Variants in SDC2 observed in about 807,000 individuals in gnomAD.
The protein encoded by SDC2 is syndecan 2, also known as syndecan-2.
SDC2 carries 13 observed loss-of-function variants against 22.2 expected under a neutral mutation model. The observed-to-expected ratio is 0.59, with a 90% CI of 0.38 to 0.93. The LOEUF (loss-of-function observed/expected upper bound fraction) is 0.93, where lower values mean the gene tolerates loss of function less well. Among genes scored for constraint, SDC2 ranks in the 40% least tolerant of loss-of-function variants. The probability of loss-of-function intolerance (pLI) is 0.00; values close to 1 mark genes in which losing one functional copy is unlikely to be tolerated. For synonymous variants in SDC2, 94 were observed against 92.8 expected (o/e 1.01, Z -0.07); for missense variants, 235 against 246.8 (o/e 0.95, Z 0.32).
At chr8:96,521,754 T>C (rs964794730) in intron 1 of SDC2, among the ~76,000 whole-genome samples, 9 of 152,240 alleles carry the variant, frequency 5.9e-5, no homozygotes, top group African/African-American at 1.9e-4. Context: ...GGGGAGCTAA[T>C]TTCTTGTAGG....
chr8:96,500,581 G>A (rs1468850919), intron 1 of SDC2, among the ~76,000 whole-genome samples: 1 of 143,920 alleles, frequency 6.9e-6, no homozygotes, highest in Non-Finnish European at 1.5e-5. Flanking sequence ...AGAATTGCTT[G>A]AACACAGGAG....
intron 1 of SDC2, among the ~76,000 whole-genome samples, chr8:96,525,292 A>G (rs1370603284): frequency 2.0e-5 from 3 of 152,044 alleles, no homozygotes; most frequent in African/African-American, 7.2e-5. Context: ...TTGGGAAGCC[A>G]CCCCATTTGG....
At chr8:96,568,834 G>GAA (rs1814343047) in intron 1 of SDC2, among the ~76,000 whole-genome samples, 2 of 152,160 alleles carry the variant, frequency 1.3e-5, no homozygotes, top group Non-Finnish European at 2.9e-5. Flanking sequence ...GGTAAATGGG[G>GAA]AACTGTTCAT....
chr8:96,581,324 T>C lies in SDC2; in HGVS notation c.61-12156T>C, dbSNP rs141419327. Among the ~76,000 whole-genome samples, 12 of 152,234 alleles carry C rather than the reference T, an allele frequency of 7.9e-5. No individual in the cohort carries two copies. The East Asian group carries it at 2.3e-3, about 29-fold the overall frequency. On this transcript the variant is annotated intron_variant, in intron 1 of 4. Transcript: ENST00000302190. The stretch of plus-strand genomic sequence containing the variant: ...TTCATCCTGTGCGACCCTGATATCA[T>C]AAGAATAAGAGTACTATATGAGGGC...
At chr8:96,569,337 G>C (rs1052211038) in intron 1 of SDC2, among the ~76,000 whole-genome samples, 1 of 152,134 alleles carries the variant, frequency 6.6e-6, no homozygotes, top group Admixed American at 6.5e-5. Context: ...TCTCAGCCTA[G>C]ATATCCTTTC....
At chr8:96,495,412 C>T (rs1035722618) in intron 1 of SDC2, among the ~76,000 whole-genome samples, 8 of 152,186 alleles carry the variant, frequency 5.3e-5, no homozygotes, top group African/African-American at 1.4e-4. Flanking sequence ...TTGGCCTCCT[C>T]TCGTCCGCAG....
intron 1 of SDC2, among the ~76,000 whole-genome samples, chr8:96,540,283 G>T (rs1464500036): frequency 4.0e-5 from 6 of 148,392 alleles, no homozygotes; most frequent in Non-Finnish European, 8.9e-5. Flanking sequence ...CTTGAGCTTG[G>T]GTGTTCAAGA....
chr8:96,550,245 G>A (rs1814005638), intron 1 of SDC2, among the ~76,000 whole-genome samples: 1 of 152,156 alleles, frequency 6.6e-6, no homozygotes, highest in Non-Finnish European at 1.5e-5. Context: ...AATCTGAAAT[G>A]CTCCAGAATT....
At chr8:96,522,021 G>A (rs573063158) in intron 1 of SDC2, among the ~76,000 whole-genome samples, 37 of 152,192 alleles carry the variant, frequency 2.4e-4, no homozygotes, top group Non-Finnish European at 4.7e-4. Flanking sequence ...TTGAGTGTGA[G>A]CTGAGTGTGT....
chr8:96,581,982 A>G (rs1052005868), intron 1 of SDC2, among the ~76,000 whole-genome samples: 1 of 152,216 alleles, frequency 6.6e-6, no homozygotes. Flanking sequence ...AGGTCACGTG[A>G]TCATCAGTAT....
chr8:96,518,355 T>G (rs1813439403), intron 1 of SDC2, among the ~76,000 whole-genome samples: 1 of 137,832 alleles, frequency 7.3e-6, no homozygotes, highest in Non-Finnish European at 1.6e-5. Context: ...TGCCTTACCT[T>G]GAGAGGTTTT....
chr8:96,575,716 G>A (rs1258710957), intron 1 of SDC2, among the ~76,000 whole-genome samples: 2 of 152,098 alleles, frequency 1.3e-5, no homozygotes, highest in Non-Finnish European at 2.9e-5. Context: ...TGTTTCCTGG[G>A]GGTAATATCT....
intron 1 of SDC2, among the ~76,000 whole-genome samples, chr8:96,564,944 T>C (rs2130569666): frequency 6.6e-6 from 1 of 152,220 alleles, no homozygotes; most frequent in East Asian, 1.9e-4. Flanking sequence ...TTCATAAACT[T>C]TGATAAGTTA....
chr8:96,595,783 A>G (rs567571266), intron 2 of SDC2, among the ~76,000 whole-genome samples: 1 of 152,208 alleles, frequency 6.6e-6, no homozygotes, highest in Non-Finnish European at 1.5e-5. Context: ...CAACCTCTAC[A>G]GACCCCCTGC....
At chr8:96,509,647 G>C (rs2130438014) in intron 1 of SDC2, among the ~76,000 whole-genome samples, 1 of 151,340 alleles carries the variant, frequency 6.6e-6, no homozygotes, top group East Asian at 1.9e-4. Flanking sequence ...TATGTGGTTG[G>C]GGTCCAGCTC....
At position 96,503,409 on chromosome 8, in the gene SDC2, CAA is replaced by C. The variant is rs373761216; in HGVS notation, c.60+9082_60+9083del. On this transcript the variant is annotated intron_variant, in intron 1 of 4. Transcript: ENST00000302190. ...TTTATAACTTAGAAACTATAGTACA[CAA>C]AAAGTTAGATATAAACCTATGTATA... Among the ~76,000 whole-genome samples, 763 of 152,134 alleles carry C rather than the reference CAA, an allele frequency of 5.0e-3. 6 individuals carry two copies. Among genetic ancestry groups the C allele is most frequent in the African/African-American group, 0.018 (735 of 41,476 alleles).
At chr8:96,507,618 TA>T (rs1813262118) in intron 1 of SDC2, among the ~76,000 whole-genome samples, 1 of 152,204 alleles carries the variant, frequency 6.6e-6, no homozygotes, top group East Asian at 1.9e-4. Context: ...GAAAAGGAGA[TA>T]AAAGCTTCCT....
At chr8:96,552,916 A>G (rs1814050253) in intron 1 of SDC2, among the ~76,000 whole-genome samples, 2 of 152,186 alleles carry the variant, frequency 1.3e-5, no homozygotes, top group Admixed American at 1.3e-4. Context: ...TCATTAAGCT[A>G]CTAAGAGTTT....
intron 1 of SDC2, among the ~76,000 whole-genome samples, chr8:96,511,694 A>G (rs914122140): frequency 3.3e-5 from 5 of 151,996 alleles, no homozygotes; most frequent in African/African-American, 1.2e-4. Context: ...CCCAACTCAG[A>G]TTGGCTTAAG....
Sources: allele counts gnomAD v4.1 joint callset (sites outside exome capture counted in the v4.1 genomes callset), GRCh38; gene constraint gnomAD v4.1.1; transcripts MANE v1.5; gene names NCBI Gene and HGNC (gene_info 2026-07-23, HGNC 2026-07-21).